Variants in MCM3AP observed in about 807,000 individuals in gnomAD.
MCM3AP encodes germinal-center associated nuclear protein.
A neutral mutation model predicts 184.1 loss-of-function variants in MCM3AP; 126 were observed. That is an observed-to-expected ratio of 0.68 (90% CI 0.59 to 0.79). The LOEUF is 0.79. Ranked by LOEUF, MCM3AP falls within the 30% of genes least tolerant of loss-of-function variation. The pLI is 0.00. For synonymous variants in MCM3AP, 1,002 were observed against 979.3 expected, an observed-to-expected ratio of 1.02 and a Z score of -0.43; for missense variants, 2,496 against 2,479.2, an observed-to-expected ratio of 1.01 and a Z score of -0.14.
In MCM3AP at chr21:46,270,445, C is replaced by T. The variant is rs1298892010; in HGVS notation, c.2584G>A (p.Ala862Thr). 2 of 1,613,868 alleles carry T rather than the reference C, an allele frequency of 1.2e-6. No homozygotes were observed. The change falls in exon 9 of 28, where the codon GCT (alanine) becomes ACT (threonine). Residue 862 changes from alanine to threonine, a missense_variant. By Grantham distance (58) the Ala-to-Thr change is moderately conservative (BLOSUM62 0). This residue lies in a region of MCM3AP where 138 missense variants were observed against 191.9 expected (regional missense o/e 0.72). Transcript: ENST00000291688. ...FVRFFKLVQS[A>T]SYLNACLLHC... The stretch of plus-strand genomic sequence containing the variant: ...AAAAGACAAGCGTTCAGGTAAGAAG[C>T]TGACTGGACCAGTTTGAAAAATCTC...
At position 46,243,556 on chromosome 21, in the gene MCM3AP, C is replaced by T. The variant is rs552631539; in HGVS notation, c.5205G>A (p.Ser1735=). Residue 1735 remains serine, a synonymous_variant, in exon 24 of 28, where the codon TCG becomes TCA. Coordinates refer to ENST00000291688, the MANE Select transcript of MCM3AP (RefSeq NM_003906.5). The stretch of plus-strand genomic sequence containing the variant: ...GATCATCCCATGGGATCTCCATGAC[C>T]GAGGGGCCTGCCCCATGGACTGGGG... ...SPSPVHGAGP[S]VMEIPWDDLI... 2.5e-5 allele frequency: 40 copies of T among 1,614,212 alleles called. No individual in the cohort carries two copies. The highest frequency in any genetic ancestry group is 2.1e-4 in the African/African-American group (16 of 75,054).
chr21:46,268,858 G>T (rs1283831450), intron 9 of MCM3AP, among the ~76,000 whole-genome samples: 1 of 152,150 alleles, frequency 6.6e-6, no homozygotes, highest in Non-Finnish European at 1.5e-5. Context: ...AGCCTGGCCA[G>T]CATGGCGAAA....
Position 46,277,542 on chromosome 21 carries a change from T to G in MCM3AP, c.1843A>C (p.Arg615=), listed in dbSNP as rs2081271304. The stretch of plus-strand genomic sequence containing the variant: ...AGTGCCATACCTTGCCGCATGATCC[T>G]GTCTCTCTGGTCAAGCAGGCGGTAC... The part of the protein sequence containing the change: ...EKYRLLDQRD[R]IMRQARVKRT... The change falls in exon 5 of 28, where the codon AGG becomes CGG. Residue 615 remains arginine, a synonymous_variant. Transcript: ENST00000291688. The G allele has an allele frequency of 6.3e-7, 1 of 1,586,002 alleles. No individual in the cohort carries two copies.
chr21:46,279,523 T>G (rs2839194), intron 4 of MCM3AP, among the ~76,000 whole-genome samples: 63,105 of 152,190 alleles, frequency 0.41, 13,572 homozygotes, highest in Admixed American at 0.48. Flanking sequence ...ACAGAAGTTC[T>G]GCTGTCCTAA....
intron 24 of MCM3AP, 69 bp from the exon 25 acceptor site, chr21:46,243,000 CA>C: frequency 3.4e-5 from 38 of 1,102,572 alleles, no homozygotes; most frequent in Non-Finnish European, 4.4e-5. Flanking sequence ...AAAAAAAAAA[CA>C]CACACAAAAA....
chr21:46,250,762 A>C (rs1361346956), intron 20 of MCM3AP: 2 of 152,266 alleles, frequency 1.3e-5, no homozygotes, highest in Non-Finnish European at 2.9e-5. Context: ...ACCCAAGCTA[A>C]GCTACACCTG....
At chr21:46,261,438 C>T in intron 13 of MCM3AP, 27 bp from the exon 14 acceptor site, 2 of 1,610,792 alleles carry the variant, frequency 1.2e-6, no homozygotes, top group Non-Finnish European at 1.7e-6. Context: ...GGATAGCATT[C>T]AAAATCAGAG....
chr21:46,254,985 A>G (rs926549879), intron 17 of MCM3AP, 141 bp from the exon 18 acceptor site: 3 of 691,826 alleles, frequency 4.3e-6, no homozygotes, highest in Non-Finnish European at 7.9e-6. Context: ...TCATTCCACA[A>G]ATATCATGTT....
In MCM3AP at chr21:46,244,900, G is replaced by C; in HGVS notation, c.4945C>G (p.His1649Asp). The C allele has an allele frequency of 6.2e-7, 1 of 1,614,204 alleles. No individual in the cohort carries two copies. Among genetic ancestry groups the C allele is most frequent in the Non-Finnish European group, 8.5e-7 (1 of 1,180,040 alleles). ...AEAGGSRLLPHLHWNAPEHLA... is the reference protein window; with the variant it reads ...AEAGGSRLLPDLHWNAPEHLA... ...TGCTCTGGGGCATTCCAGTGCAGGT[G>C]AGGAAGCAGCCGGCTGCCCCCTGCC... Residue 1649 changes from histidine (H) to aspartate (D), a missense_variant, in exon 23 of 28, where the codon CAC (histidine) becomes GAC (aspartate). By Grantham distance (81) the His-to-Asp change is moderately conservative (BLOSUM62 -1). Transcript: ENST00000291688.
chr21:46,251,364 T>A (rs1160144987), intron 20 of MCM3AP, 165 bp downstream of exon 20: 7 of 502,862 alleles, frequency 1.4e-5, no homozygotes, highest in Admixed American at 3.9e-5. Context: ...CTTAAAAAAA[T>A]TTTTTAAACG....
Position 46,245,251 on chromosome 21 carries a change from G to C in MCM3AP, c.4648-54C>G. ...CAATTCACACTGTTTTTCAAAAACA[G>C]CTTTCTGAAAGGGCTTGATCCCCCA... On this transcript the variant is annotated intron_variant, in intron 22 of 27. Transcript: ENST00000291688. The C allele has an allele frequency of 3.3e-6, 5 of 1,531,924 alleles. No homozygotes were observed. In the South Asian group the frequency reaches 6.4e-5, roughly 20 times the overall value. 94.9% of individuals were successfully genotyped at this position (1,531,924 alleles called of 1,614,324 possible). A position where few individuals can be genotyped will look rare whatever the true frequency, so the allele number is the denominator to read the frequency against.
Position 46,254,249 on chromosome 21 carries a change from C to G in MCM3AP, c.4136+143G>C, listed in dbSNP as rs17183116. 5.3e-4 allele frequency: 440 copies of G among 837,238 alleles called. 3 individuals carry two copies. The African/African-American group carries it at 6.9e-3, about 13-fold the overall frequency. The allele number at this position is 837,238 out of a possible 1,614,324, so 51.9% of individuals were successfully genotyped here. ...TTTCAACTTAAAATCATGAGCAAAACAGACTGTAAATCCAAGCATTAAAAC... is the reference window on the plus strand; with the variant it reads ...TTTCAACTTAAAATCATGAGCAAAAGAGACTGTAAATCCAAGCATTAAAAC... On this transcript the variant is annotated intron_variant, in intron 19 of 27. Transcript: ENST00000291688.
At chr21:46,283,483 T>C (rs1273797546) in intron 2 of MCM3AP, 132 bp downstream of exon 2, 3 of 634,664 alleles carry the variant, frequency 4.7e-6, no homozygotes, top group African/African-American at 3.7e-5. Flanking sequence ...TCCCAGCCTA[T>C]GCTAATAAGA....
intron 16 of MCM3AP, among the ~76,000 whole-genome samples, chr21:46,258,262 G>A (rs17176576): frequency 0.03 from 4,523 of 152,236 alleles, 81 homozygotes; most frequent in Non-Finnish European, 0.047. Context: ...AACTACCAAG[G>A]ACACTATTAC....
intron 27 of MCM3AP, among the ~76,000 whole-genome samples, chr21:46,236,478 C>T (rs1360095103): frequency 6.6e-6 from 1 of 152,188 alleles, no homozygotes; most frequent in Non-Finnish European, 1.5e-5. Context: ...AAAAATTAAT[C>T]CCAGAAGAGA....
At chr21:46,253,935 T>C in intron 19 of MCM3AP, 1 of 181,922 alleles carries the variant, frequency 5.5e-6, no homozygotes. Flanking sequence ...ACCTCCCACT[T>C]TGCTGTTCTC....
chr21:46,264,222 G>A lies in MCM3AP; in HGVS notation c.3235-5C>T, dbSNP rs777079148. ...GTCCACCACCTGCGCCAGGTCCTGT[G>A]GAGAGACCAGCATGGGGTGTAATGG... is the stretch of plus-strand genomic sequence containing the variant. On this transcript the variant is annotated splice_region_variant and splice_polypyrimidine_tract_variant and intron_variant, in intron 12 of 27. Transcript: ENST00000291688. 3 of 1,595,948 alleles carry A rather than the reference G, an allele frequency of 1.9e-6. No individual in the cohort carries two copies. The Admixed American group carries it at 5.0e-5, about 27-fold the overall frequency.
In MCM3AP at chr21:46,243,502, C is replaced by A; in HGVS notation, c.5259G>T (p.Leu1753=). 1 of 1,613,644 alleles carries A rather than the reference C, an allele frequency of 6.2e-7. No individual in the cohort carries two copies. Residue 1753 remains leucine (L), a synonymous_variant, in exon 24 of 28, where the codon CTG becomes CTT. Coordinates refer to ENST00000291688, the MANE Select transcript of MCM3AP (RefSeq NM_003906.5). ...GAAGCCGGGGGGGCGTCCAGTCTCT[C>A]AGCTTGTGGTTGATACACAAGGCGA... ...DLIALCINHK[L]RDWTPPRLPV...
Position 46,284,530 on chromosome 21 carries a change from G to T in MCM3AP, c.757C>A (p.Pro253Thr). ...GSSNNSFSSF[P>T]VSSAVLGEPF... Reference sequence around the variant, plus strand: ...TCGCCCAAAACCGCAGATGATACAGGGAAGCTACTGAAGCTATTATTAGAA... The same window carrying T: ...TCGCCCAAAACCGCAGATGATACAGTGAAGCTACTGAAGCTATTATTAGAA... The change falls in exon 1 of 28, where the codon CCT becomes ACT. Residue 253 changes from proline (P) to threonine (T), a missense_variant. By Grantham distance (38) the Pro-to-Thr change is conservative. Coordinates refer to ENST00000291688, the MANE Select transcript of MCM3AP (RefSeq NM_003906.5). The T allele has an allele frequency of 6.2e-7, 1 of 1,614,154 alleles. No homozygotes were observed. Among genetic ancestry groups the T allele is most frequent in the Non-Finnish European group, 8.5e-7 (1 of 1,180,034 alleles).
Sources: allele counts gnomAD v4.1 joint callset (sites outside exome capture counted in the v4.1 genomes callset), GRCh38; gene constraint gnomAD v4.1.1; regional missense constraint gnomAD v4.1.1; transcripts MANE v1.5; gene names NCBI Gene and HGNC (gene_info 2026-07-23, HGNC 2026-07-21).